The following DLG2 variants were observed in gnomAD, a reference collection of about 807,000 sequenced individuals.
DLG2 encodes the protein disks large homolog 2.
Under a neutral mutation model 132.5 loss-of-function variants are expected in DLG2, and 45 were observed. The ratio of observed to expected loss-of-function variants is 0.34; its 90% CI spans 0.27 to 0.44. The LOEUF is 0.44. Ranked by LOEUF, DLG2 falls within the 20% of genes least tolerant of loss-of-function variation. DLG2 has a pLI of 1.00. For missense variants in DLG2, 1,045 were observed against 1,196.9 expected, an observed-to-expected ratio of 0.87 and a Z score of 1.87; for synonymous variants, 424 against 419.6, an observed-to-expected ratio of 1.01 and a Z score of -0.13.
chr11:83,821,523 T>C (rs1357146897), intron 17 of DLG2, among the ~76,000 whole-genome samples: 1 of 152,184 alleles, frequency 6.6e-6, no homozygotes. Context: ...CATGTTCATA[T>C]CTTATGTCTC....
At chr11:85,324,678 T>C (rs1207056650) in intron 3 of DLG2, among the ~76,000 whole-genome samples, 2 of 152,160 alleles carry the variant, frequency 1.3e-5, no homozygotes, top group Non-Finnish European at 2.9e-5. Flanking sequence ...GTTTGCTGTA[T>C]TTGTGAAGAA....
At chr11:83,497,474 G>T (rs1179470217) in intron 21 of DLG2, among the ~76,000 whole-genome samples, 1 of 152,064 alleles carries the variant, frequency 6.6e-6, no homozygotes, top group Non-Finnish European at 1.5e-5. Context: ...GGCAGAGGAT[G>T]CGGTGAGCCG....
intron 7 of DLG2, among the ~76,000 whole-genome samples, chr11:84,377,308 A>T (rs1332264003): frequency 6.6e-6 from 1 of 152,030 alleles, no homozygotes; most frequent in Non-Finnish European, 1.5e-5. Flanking sequence ...TAAAAAAAGG[A>T]AGGACCTATT....
intron 6 of DLG2, among the ~76,000 whole-genome samples, chr11:84,839,422 G>A (rs1045113042): frequency 3.3e-5 from 5 of 152,048 alleles, no homozygotes; most frequent in South Asian, 2.1e-4. Context: ...TACTTCCCAA[G>A]GTAATTTATA....
intron 7 of DLG2, among the ~76,000 whole-genome samples, chr11:84,462,238 C>T (rs539073516): frequency 1.3e-5 from 2 of 151,024 alleles, no homozygotes; most frequent in East Asian, 1.9e-4. Context: ...CAGTCAGGGA[C>T]TTTAACCACA....
In DLG2 at chr11:85,411,177, T is replaced by A. The variant is rs190423350; in HGVS notation, c.41-125812A>T. Among the ~76,000 whole-genome samples the A allele has an allele frequency of 9.2e-5, 14 of 151,426 alleles. 1 individual carries two copies. Among genetic ancestry groups the A allele is most frequent in the African/African-American group, 2.4e-4 (10 of 41,318 alleles). On this transcript the variant is annotated intron_variant, in intron 3 of 27. Transcript: ENST00000376104. Reference sequence around the variant, plus strand: ...GAGGAATAGTGGGAAAGAAGAGAAATAAGTGACATGATCAAGGCAGTACCT... The same window carrying A: ...GAGGAATAGTGGGAAAGAAGAGAAAAAAGTGACATGATCAAGGCAGTACCT...
intron 6 of DLG2, among the ~76,000 whole-genome samples, chr11:84,563,810 A>G (rs2099437972): frequency 6.6e-6 from 1 of 152,150 alleles, no homozygotes; most frequent in African/African-American, 2.4e-5. Context: ...GTGACATCTT[A>G]TTAGTTATGT....
intron 21 of DLG2, among the ~76,000 whole-genome samples, chr11:83,530,148 C>T (rs1421880908): frequency 6.6e-6 from 1 of 151,902 alleles, no homozygotes; most frequent in Non-Finnish European, 1.5e-5. Context: ...AGAGGTCTAT[C>T]CTTAAATTCT....
At chr11:83,882,586 T>C (rs1211720669) in intron 15 of DLG2, among the ~76,000 whole-genome samples, 4 of 152,240 alleles carry the variant, frequency 2.6e-5, no homozygotes, top group Admixed American at 2.6e-4. Context: ...TATGCTTTAT[T>C]GGGAGAAATA....
intron 15 of DLG2, among the ~76,000 whole-genome samples, chr11:83,897,810 A>C (rs2072211476): frequency 6.6e-6 from 1 of 152,222 alleles, no homozygotes; most frequent in African/African-American, 2.4e-5. Context: ...AACTAAAATA[A>C]TAATGAGAAT....
chr11:83,697,520 G>T (rs918523130), intron 18 of DLG2, among the ~76,000 whole-genome samples: 4 of 152,156 alleles, frequency 2.6e-5, no homozygotes, highest in Non-Finnish European at 4.4e-5. Flanking sequence ...CTTTAAGCCA[G>T]AGTAAGTTCA....
intron 7 of DLG2, chr11:84,316,762 C>T: frequency 2.0e-6 from 3 of 1,496,922 alleles, no homozygotes; most frequent in South Asian, 2.7e-5. Context: ...CCATTCTAAC[C>T]TTAAACAACT....
At chr11:84,236,418 C>T (rs950864080) in intron 8 of DLG2, among the ~76,000 whole-genome samples, 4 of 152,248 alleles carry the variant, frequency 2.6e-5, no homozygotes, top group African/African-American at 9.6e-5. Context: ...TAACCTACCT[C>T]AAGGTCAACC....
At chr11:83,892,564 T>A (rs1041950399) in intron 15 of DLG2, among the ~76,000 whole-genome samples, 1 of 152,176 alleles carries the variant, frequency 6.6e-6, no homozygotes, top group African/African-American at 2.4e-5. Context: ...TGACTACTTA[T>A]TAGCAACTAT....
chr11:84,285,273 G>A (rs2097898039), intron 7 of DLG2, among the ~76,000 whole-genome samples: 1 of 151,628 alleles, frequency 6.6e-6, no homozygotes, highest in Non-Finnish European at 1.5e-5. Context: ...TCCCAGCTCC[G>A]CCCACTCCAT....
At chr11:84,485,196 T>C (rs2099147701) in intron 7 of DLG2, among the ~76,000 whole-genome samples, 1 of 152,156 alleles carries the variant, frequency 6.6e-6, no homozygotes, top group Admixed American at 6.6e-5. Flanking sequence ...ATGCAATGAT[T>C]TGGTAAAAAT....
intron 19 of DLG2, among the ~76,000 whole-genome samples, chr11:83,617,721 A>T (rs1279623809): frequency 6.6e-6 from 1 of 152,128 alleles, no homozygotes. Flanking sequence ...ATTACTAAGT[A>T]TGGTGTTTAG....
At chr11:85,314,856 C>T (rs1348730678) in intron 3 of DLG2, among the ~76,000 whole-genome samples, 1 of 151,896 alleles carries the variant, frequency 6.6e-6, no homozygotes, top group East Asian at 1.9e-4. Context: ...TGGTAGTGTA[C>T]CTCAATCTTC....
At chr11:85,431,847 A>G (rs1215490377) in intron 3 of DLG2, among the ~76,000 whole-genome samples, 1 of 152,214 alleles carries the variant, frequency 6.6e-6, no homozygotes, top group African/African-American at 2.4e-5. Flanking sequence ...CCTGCTTCCT[A>G]TGCCATCCAA....
Sources: gnomAD v4.1 joint callset for allele counts (sites outside exome capture counted in the v4.1 genomes callset) on GRCh38, gnomAD v4.1.1 for gene constraint, MANE v1.5 for transcripts, NCBI Gene and HGNC (gene_info 2026-07-23, HGNC 2026-07-21) for gene names.